The following BID variants were observed in gnomAD, a reference collection of about 807,000 sequenced individuals.
BID encodes the protein BH3 interacting domain death agonist, also known as BH3-interacting domain death agonist.
A neutral mutation model predicts 17.4 loss-of-function variants in BID; 19 were observed. The observed-to-expected ratio is 1.09, with a 90% confidence interval of 0.76 to 1.60. The LOEUF (loss-of-function observed/expected upper bound fraction) is 1.60, where lower values mean the gene tolerates loss of function less well. BID is among the 40% of genes most tolerant of loss of function. The pLI, the probability that BID is intolerant of heterozygous loss-of-function variation, is 0.00. For missense variants in BID, 226 were observed against 256.0 expected (o/e 0.88, Z 0.80); for synonymous variants, 108 against 102.8 (o/e 1.05, Z -0.31).
chr22:17,750,300 C>T (rs909636657), intron 1 of BID, 126 bp from the exon 2 acceptor site: 3 of 765,676 alleles, frequency 3.9e-6, no homozygotes, highest in African/African-American at 1.7e-5. Flanking sequence ...GCCTGAGCCC[C>T]GCATCCTGAG....
intron 1 of BID, among the ~76,000 whole-genome samples, chr22:17,772,014 A>G (rs1187843244): frequency 6.6e-6 from 1 of 152,196 alleles, no homozygotes; most frequent in Non-Finnish European, 1.5e-5. Flanking sequence ...CTCAGAGCTG[A>G]GACCCTGAAG....
intron 1 of BID, 47 bp downstream of exon 1, chr22:17,774,333 CG>C (rs1448380432): frequency 6.4e-6 from 1 of 156,132 alleles, no homozygotes; most frequent in African/African-American, 2.4e-5. Flanking sequence ...GCAGGGGTCA[CG>C]GGCTGGGGCT....
chr22:17,740,198 A>G (rs1289501607), intron 3 of BID: 2 of 1,604,174 alleles, frequency 1.2e-6, no homozygotes, highest in Non-Finnish European at 1.7e-6. Flanking sequence ...TAAGCTCCCT[A>G]AGGGCTGTGA....
intron 2 of BID, 90 bp from the exon 3 acceptor site, chr22:17,744,103 G>T: frequency 8.3e-7 from 1 of 1,206,828 alleles, no homozygotes; most frequent in Non-Finnish European, 1.2e-6. Flanking sequence ...GGCCCAAAGA[G>T]CCTCACAGGT....
intron 5 of BID, among the ~76,000 whole-genome samples, chr22:17,737,000 T>C (rs1461451038): frequency 6.6e-6 from 1 of 151,702 alleles, no homozygotes; most frequent in African/African-American, 2.4e-5. Context: ...AGAAACGGGG[T>C]TTCACCATCT....
chr22:17,735,677 G>A, intron 5 of BID, 86 bp from the exon 6 acceptor site: 3 of 1,543,940 alleles, frequency 1.9e-6, no homozygotes, highest in Non-Finnish European at 8.9e-7. Flanking sequence ...GTAGAGCAAA[G>A]CTGGGGTTTA....
chr22:17,756,546 C>T (rs181413), intron 1 of BID, among the ~76,000 whole-genome samples: 11,243 of 146,736 alleles, frequency 0.077, 497 homozygotes, highest in South Asian at 0.11. Context: ...TTCCTTCCTT[C>T]CTTCTTTCTT....
intron 1 of BID, among the ~76,000 whole-genome samples, chr22:17,761,576 C>A (rs1045279561): frequency 6.6e-6 from 1 of 151,870 alleles, no homozygotes; most frequent in Admixed American, 6.6e-5. Flanking sequence ...GGACTACAGG[C>A]GCCCGCCACC....
intron 1 of BID, among the ~76,000 whole-genome samples, chr22:17,767,800 C>T (rs960124889): frequency 1.3e-5 from 2 of 152,116 alleles, no homozygotes; most frequent in Non-Finnish European, 2.9e-5. Flanking sequence ...AGTTCCATTG[C>T]TGCTTGAATT....
At chr22:17,749,514 T>A (rs906190492) in intron 2 of BID, among the ~76,000 whole-genome samples, 2 of 152,176 alleles carry the variant, frequency 1.3e-5, no homozygotes, top group South Asian at 2.1e-4. Flanking sequence ...GGTTAAAAAA[T>A]TTTTGAAACA....
chr22:17,768,388 G>A (rs1229549778), intron 1 of BID, among the ~76,000 whole-genome samples: 1 of 152,200 alleles, frequency 6.6e-6, no homozygotes, highest in Non-Finnish European at 1.5e-5. Flanking sequence ...AGAAGTCAGT[G>A]GACCCCTATG....
rs779471037 is a variant in BID, at chr22:17,734,204, G to A, written c.*1376C>T. ...CACTGCGCGGCAGCACTTCTTTTTA[G>A]TATTTGTAAGCTTTTGCCCACTTTC... On this transcript the variant is annotated 3_prime_UTR_variant, in exon 6 of 6. Transcript: ENST00000622694. 2 of 152,208 alleles carry A rather than the reference G, an allele frequency of 1.3e-5. No individual in the cohort carries two copies. The highest frequency in any genetic ancestry group is 2.4e-5 in the African/African-American group (1 of 41,460). 9.4% of individuals were successfully genotyped at this position (152,208 alleles called of 1,614,324 possible).
intron 3 of BID, among the ~76,000 whole-genome samples, chr22:17,742,895 C>A (rs918544862): frequency 2.0e-5 from 3 of 152,276 alleles, no homozygotes; most frequent in African/African-American, 7.2e-5. Context: ...TAGAAGCAGC[C>A]CCTTGGCAAA....
intron 1 of BID, among the ~76,000 whole-genome samples, chr22:17,752,579 C>T (rs2061547526): frequency 1.3e-5 from 2 of 152,232 alleles, no homozygotes; most frequent in East Asian, 1.9e-4. Context: ...GTCACATACA[C>T]AGTGAATACC....
chr22:17,745,362 C>G (rs2061488553), intron 2 of BID, among the ~76,000 whole-genome samples: 1 of 152,142 alleles, frequency 6.6e-6, no homozygotes, highest in Non-Finnish European at 1.5e-5. Flanking sequence ...ACCTACTGCA[C>G]CCAGCAGCAA....
chr22:17,740,407 A>G (rs1403725997), intron 3 of BID: 5 of 518,522 alleles, frequency 9.6e-6, no homozygotes, highest in Non-Finnish European at 1.7e-5. Flanking sequence ...CCAGCAACAA[A>G]GCAAGGCCCT....
chr22:17,745,595 A>G (rs550833957), intron 2 of BID, among the ~76,000 whole-genome samples: 1 of 152,190 alleles, frequency 6.6e-6, no homozygotes, highest in East Asian at 1.9e-4. Flanking sequence ...GGCTGCAATG[A>G]GCCATGATCA....
chr22:17,765,959 G>C (rs1481197730), intron 1 of BID, among the ~76,000 whole-genome samples: 1 of 152,186 alleles, frequency 6.6e-6, no homozygotes, highest in Non-Finnish European at 1.5e-5. Context: ...GACAGGGTCT[G>C]GCTCTGTTCC....
In BID at chr22:17,769,867, G is replaced by A. The variant is rs1311771431; in HGVS notation, c.-59+4514C>T. On this transcript the variant is annotated intron_variant, in intron 1 of 5. Coordinates refer to ENST00000622694, the MANE Select transcript of BID (RefSeq NM_001196.4). The surrounding 1 kb of genome is among the most constrained non-coding windows in gnomAD (Gnocchi z 4.8). ...CACTCCCAGTCCCAATACCAGGCCT[G>A]GTCACGTGGTGCCCCGCCAGGCTTG... Among the ~76,000 whole-genome samples, 1 of 152,120 alleles carries A rather than the reference G, an allele frequency of 6.6e-6. No homozygotes were observed. The highest frequency in any genetic ancestry group is 1.5e-5 in the Non-Finnish European group (1 of 68,022).
Sources: allele counts gnomAD v4.1 joint callset (sites outside exome capture counted in the v4.1 genomes callset), GRCh38; gene constraint gnomAD v4.1.1; non-coding constraint Gnocchi (gnomAD v3.1); transcripts MANE v1.5; gene names NCBI Gene and HGNC (gene_info 2026-07-23, HGNC 2026-07-21).